Variants in MCC observed in about 807,000 individuals in gnomAD.
MCC encodes colorectal mutant cancer protein.
In MCC, 90 loss-of-function variants were observed where a neutral mutation model predicts 116.2. The ratio of observed to expected loss-of-function variants is 0.77; its 90% CI spans 0.65 to 0.92. MCC has a LOEUF of 0.92. MCC is among the 40% of genes least tolerant of loss of function. The pLI, the probability that MCC is intolerant of heterozygous loss-of-function variation, is 0.00. For synonymous variants in MCC, 578 were observed against 510.5 expected, an observed-to-expected ratio of 1.13 and a Z score of -1.78; for missense variants, 1,516 against 1,312.2, an observed-to-expected ratio of 1.16 and a Z score of -2.40.
chr5:113,290,442 T>A (rs796976491), intron 3 of MCC, among the ~76,000 whole-genome samples: 3 of 152,238 alleles, frequency 2.0e-5, no homozygotes, highest in South Asian at 4.1e-4. Flanking sequence ...GAGGTTATGA[T>A]TGCCATGGGA....
At chr5:113,305,248 C>G (rs1044559372) in intron 3 of MCC, among the ~76,000 whole-genome samples, 6 of 152,148 alleles carry the variant, frequency 3.9e-5, no homozygotes, top group African/African-American at 7.2e-5. Context: ...AAGACAGCTT[C>G]CCTCTCCCAG....
intron 3 of MCC, among the ~76,000 whole-genome samples, chr5:113,242,385 G>C (rs1764405613): frequency 6.6e-6 from 1 of 152,158 alleles, no homozygotes; most frequent in South Asian, 2.1e-4. Flanking sequence ...AGCCAATATA[G>C]AAGCTGAGAG....
intron 14 of MCC, among the ~76,000 whole-genome samples, chr5:113,062,265 T>A (rs1753278235): frequency 6.6e-6 from 1 of 152,174 alleles, no homozygotes; most frequent in South Asian, 2.1e-4. Flanking sequence ...AAAAACAGGA[T>A]CCCAAATTAA....
intron 3 of MCC, among the ~76,000 whole-genome samples, chr5:113,306,678 C>T (rs919922065): frequency 1.3e-5 from 2 of 151,308 alleles, no homozygotes; most frequent in Admixed American, 6.6e-5. Flanking sequence ...CTGTCTTTTC[C>T]CTTTCTTGGT....
At position 113,471,147 on chromosome 5, in the gene MCC, T is replaced by C. The variant is rs542178754; in HGVS notation, c.170+17098A>G. On this transcript the variant is annotated intron_variant, in intron 1 of 18. Coordinates refer to ENST00000408903, the MANE Select transcript of MCC (RefSeq NM_001085377.2). ...CGAATTTCCTCCTGTAACTCAGTCATTTGATCGTCTGAAGCCTTCTCTCAA... is the reference window on the plus strand; with the variant it reads ...CGAATTTCCTCCTGTAACTCAGTCACTTGATCGTCTGAAGCCTTCTCTCAA... Among the ~76,000 whole-genome samples the C allele has an allele frequency of 2.0e-5, 3 of 149,366 alleles. No individual in the cohort carries two copies. In the South Asian group the frequency reaches 6.4e-4, roughly 32 times the overall value.
At position 113,027,551 on chromosome 5, in the gene MCC, A is replaced by G. The variant is rs114672299; in HGVS notation, c.2880-69T>C. On this transcript the variant is annotated intron_variant, in intron 18 of 18. Transcript: ENST00000408903. ...GTAGCATCGTGACACCATCCTGTCC[A>G]CTGGATAACCAGATCTAGTGAGCAC... The G allele has an allele frequency of 2.7e-3, 3,766 of 1,399,668 alleles. 21 individuals are homozygous for G. Among genetic ancestry groups the G allele is most frequent in the African/African-American group, 0.021 (1,521 of 70,862 alleles). The allele number at this position is 1,399,668 out of a possible 1,614,324, so 86.7% of individuals were successfully genotyped here.
At chr5:113,270,948 A>C (rs1261829219) in intron 3 of MCC, among the ~76,000 whole-genome samples, 2 of 152,056 alleles carry the variant, frequency 1.3e-5, no homozygotes, top group Non-Finnish European at 2.9e-5. Flanking sequence ...ACATAATTCA[A>C]TCTCTCCTTG....
chr5:113,201,373 C>CA (rs1364625808), intron 3 of MCC, among the ~76,000 whole-genome samples: 4 of 98,318 alleles, frequency 4.1e-5, no homozygotes, highest in African/African-American at 1.5e-4. Flanking sequence ...GCGACAAGAG[C>CA]AAAACGCCAT....
chr5:113,486,399 A>G (rs1211987944), intron 1 of MCC, among the ~76,000 whole-genome samples: 2 of 152,210 alleles, frequency 1.3e-5, no homozygotes, highest in Non-Finnish European at 2.9e-5. Flanking sequence ...TACAGAATTC[A>G]TTATCCTCCC....
chr5:113,114,028 T>G (rs1406443207), intron 6 of MCC, among the ~76,000 whole-genome samples: 1 of 151,756 alleles, frequency 6.6e-6, no homozygotes, highest in Non-Finnish European at 1.5e-5. Flanking sequence ...TCTTAAAAGG[T>G]TTACACATAT....
In MCC at chr5:113,456,809, G is replaced by A. The variant is rs1464281279; in HGVS notation, c.170+31436C>T. Among the ~76,000 whole-genome samples the A allele has an allele frequency of 2.0e-5, 3 of 150,762 alleles. No individual in the cohort carries two copies. The East Asian group carries it at 5.8e-4, about 29-fold the overall frequency. ...TTTTTTTTTTTAATTATACTTTTAA[G>A]TTCTAGGGTACATGTGCACAACGTG... On this transcript the variant is annotated intron_variant, in intron 1 of 18. Coordinates refer to ENST00000408903, the MANE Select transcript of MCC (RefSeq NM_001085377.2).
At chr5:113,246,755 G>C (rs1263925324) in intron 3 of MCC, among the ~76,000 whole-genome samples, 1 of 152,180 alleles carries the variant, frequency 6.6e-6, no homozygotes, top group African/African-American at 2.4e-5. Context: ...GAAGTTATGT[G>C]TTACTTCTGT....
chr5:113,327,976 C>A (rs994125111), intron 3 of MCC, among the ~76,000 whole-genome samples: 5 of 151,940 alleles, frequency 3.3e-5, no homozygotes, highest in African/African-American at 1.2e-4. Context: ...TAAGATGTAA[C>A]AACTAACAAA....
chr5:113,238,436 A>T (rs1398888162), intron 3 of MCC, among the ~76,000 whole-genome samples: 1 of 152,158 alleles, frequency 6.6e-6, no homozygotes, highest in Non-Finnish European at 1.5e-5. Context: ...CAGATGACCC[A>T]TAAGAAAGCA....
At chr5:113,110,563 C>A (rs1249904872) in intron 6 of MCC, among the ~76,000 whole-genome samples, 2 of 152,182 alleles carry the variant, frequency 1.3e-5, no homozygotes, top group Non-Finnish European at 2.9e-5. Flanking sequence ...CTTATGTTAA[C>A]CTTCAGTTAA....
chr5:113,049,018 T>G (rs777126163), intron 16 of MCC, 75 bp downstream of exon 16: 28 of 1,400,254 alleles, frequency 2.0e-5, no homozygotes, highest in Non-Finnish European at 2.8e-5. Flanking sequence ...GGCGGTGAGG[T>G]GTGGCCAGTG....
At position 113,222,561 on chromosome 5, in the gene MCC, G is replaced by A. The variant is rs1254929109; in HGVS notation, c.628-71139C>T. On this transcript the variant is annotated intron_variant, in intron 3 of 18. Coordinates refer to ENST00000408903, the MANE Select transcript of MCC (RefSeq NM_001085377.2). ...CTTTAGTAATATCCAAAGTCACAAA[G>A]CCAACTACAACTCATTTGTCAGATA... Among the ~76,000 whole-genome samples, 8 of 152,278 alleles carry A rather than the reference G, an allele frequency of 5.3e-5. No homozygotes were observed. The East Asian group carries it at 1.5e-3, about 29-fold the overall frequency.
chr5:113,156,113 T>C (rs1760156334), intron 3 of MCC, among the ~76,000 whole-genome samples: 1 of 152,222 alleles, frequency 6.6e-6, no homozygotes, highest in Admixed American at 6.5e-5. Context: ...CTAGCAACTT[T>C]GTGGAGCCAC....
At chr5:113,068,013 G>T in intron 13 of MCC, 67 bp downstream of exon 13, 2 of 1,384,050 alleles carry the variant, frequency 1.4e-6, no homozygotes, top group Non-Finnish European at 2.1e-6. Context: ...GCCAGTTGCT[G>T]AGACAGGGGC....
Sources: allele counts gnomAD v4.1 joint callset (sites outside exome capture counted in the v4.1 genomes callset), GRCh38; gene constraint gnomAD v4.1.1; transcripts MANE v1.5; gene names NCBI Gene and HGNC (gene_info 2026-07-23, HGNC 2026-07-21).